The following RGMA variants were observed in gnomAD, a reference collection of about 807,000 sequenced individuals.
The protein encoded by RGMA is repulsive guidance molecule A.
RGMA carries 10 observed loss-of-function variants against 23.2 expected under a neutral mutation model. The ratio of observed to expected loss-of-function variants is 0.43; its 90% CI spans 0.27 to 0.73. The LOEUF is 0.73. Among genes scored for constraint, RGMA ranks in the 30% least tolerant of loss-of-function variants. RGMA has a pLI of 0.20. For missense variants in RGMA, 547 were observed against 630.5 expected (o/e 0.87, Z 1.42); for synonymous variants, 308 against 279.3 (o/e 1.10, Z -1.03).
rs978482264 is a variant in RGMA at position 93,039,370 on chromosome 15, A to G, written c.*5628T>C. 6.6e-6 allele frequency: 1 copy of G among 151,804 alleles called. No homozygotes were observed. The highest frequency in any genetic ancestry group is 1.5e-5 in the Non-Finnish European group (1 of 67,972). The allele number at this position is 151,804 out of a possible 1,614,324, so 9.4% of individuals were successfully genotyped here. Reference sequence around the variant, plus strand: ...CCTGTCAGCCCCACCTTCTTATTAGACCCCAAAGGCCATCATTTCTTTTCT... The same window carrying G: ...CCTGTCAGCCCCACCTTCTTATTAGGCCCCAAAGGCCATCATTTCTTTTCT... On this transcript the variant is annotated 3_prime_UTR_variant, in exon 4 of 4. Coordinates refer to ENST00000329082, the MANE Select transcript of RGMA (RefSeq NM_020211.3).
intron 2 of RGMA, among the ~76,000 whole-genome samples, chr15:93,053,581 T>C (rs1370028102): frequency 1.3e-5 from 2 of 152,204 alleles, no homozygotes; most frequent in Non-Finnish European, 2.9e-5. Flanking sequence ...ACCTATAAAA[T>C]TGAGTTGCAC....
At chr15:93,087,961 T>C (rs759759829) in intron 1 of RGMA, among the ~76,000 whole-genome samples, 14 of 152,108 alleles carry the variant, frequency 9.2e-5, no homozygotes, top group Non-Finnish European at 1.9e-4. Context: ...TGCGGGAGAC[T>C]ACTTTGAGAA....
intron 2 of RGMA, chr15:93,065,999 G>T: frequency 1.5e-6 from 2 of 1,295,628 alleles, no homozygotes; most frequent in Non-Finnish European, 2.2e-6. Flanking sequence ...TCTTTGGCCC[G>T]TTCCCCTTCT....
At chr15:93,081,783 G>GTTTTTC (rs1895562736) in intron 1 of RGMA, among the ~76,000 whole-genome samples, 1 of 152,244 alleles carries the variant, frequency 6.6e-6, no homozygotes, top group Non-Finnish European at 1.5e-5. Flanking sequence ...AAACTGTTTA[G>GTTTTTC]AATGGCTAAG....
rs1380120667 is a variant in RGMA at position 93,081,862 on chromosome 15, C to G, written c.14+7057G>C. On this transcript the variant is annotated intron_variant, in intron 1 of 3. Transcript: ENST00000329082. ...AAAAGTGCCAATCCAGAAAGAAGAA[C>G]AAATGTGTCACCTTATGTGACATTC... Among the ~76,000 whole-genome samples the G allele has an allele frequency of 2.0e-5, 3 of 152,214 alleles. 1 individual carries two copies. The highest frequency in any genetic ancestry group is 2.0e-4 in the Admixed American group (3 of 15,286).
intron 2 of RGMA, chr15:93,066,261 T>G: frequency 8.6e-7 from 1 of 1,158,680 alleles, no homozygotes; most frequent in Non-Finnish European, 1.3e-6. Flanking sequence ...AATAGCTGTC[T>G]GGTGAACAAA....
At chr15:93,051,332 C>T (rs898002436) in intron 3 of RGMA, among the ~76,000 whole-genome samples, 2 of 152,224 alleles carry the variant, frequency 1.3e-5, no homozygotes, top group Non-Finnish European at 2.9e-5. Context: ...TGCCATTTCG[C>T]CAAGCTGGAA....
intron 1 of RGMA, among the ~76,000 whole-genome samples, chr15:93,079,865 G>A (rs1027159409): frequency 2.0e-5 from 3 of 152,098 alleles, no homozygotes; most frequent in Admixed American, 6.5e-5. Flanking sequence ...CCTTGTGGGC[G>A]GGAGGTACAG....
At position 93,043,308 on chromosome 15, in the gene RGMA, A is replaced by ACACACATGCGCGCACACACACATGCGCG. The variant is rs146691055; in HGVS notation, c.*1689_*1690insCGCGCATGTGTGTGTGCGCGCATGTGTG. On this transcript the variant is annotated 3_prime_UTR_variant, in exon 4 of 4. Transcript: ENST00000329082. ...TGCGCGCACACACACATGCGCGCAC[A>ACACACATGCGCGCACACACACATGCGCG]CACACACACTTGCTGCAGGGGATCC... is the stretch of plus-strand genomic sequence containing the variant. 2 of 129,882 alleles carry ACACACATGCGCGCACACACACATGCGCG rather than the reference A, an allele frequency of 1.5e-5. No individual in the cohort carries two copies. Among genetic ancestry groups the ACACACATGCGCGCACACACACATGCGCG allele is most frequent in the African/African-American group, 6.5e-5 (2 of 30,592 alleles). 8.0% of individuals were successfully genotyped at this position (129,882 alleles called of 1,614,324 possible). A position where few individuals can be genotyped will look rare whatever the true frequency, so the allele number is the denominator to read the frequency against.
chr15:93,044,696 G>A lies in RGMA; in HGVS notation c.*302C>T. 4.5e-6 allele frequency: 2 copies of A among 442,176 alleles called. No individual in the cohort carries two copies. Among genetic ancestry groups the A allele is most frequent in the Non-Finnish European group, 8.2e-6 (2 of 244,844 alleles). The allele number at this position is 442,176 out of a possible 1,614,324, so 27.4% of individuals were successfully genotyped here. On this transcript the variant is annotated 3_prime_UTR_variant, in exon 4 of 4. Transcript: ENST00000329082. ...ACGGTTCCCAGTGTGTCTCTGGTGG[G>A]GGTGGGGGGCTTCAGCCTGAGGGGA...
At chr15:93,068,760 T>C (rs555232557) in intron 2 of RGMA, among the ~76,000 whole-genome samples, 1 of 152,158 alleles carries the variant, frequency 6.6e-6, no homozygotes, top group Non-Finnish European at 1.5e-5. Flanking sequence ...AGTGATGGTA[T>C]GAGAAGTAGG....
chr15:93,067,310 C>T (rs909722492), intron 2 of RGMA, among the ~76,000 whole-genome samples: 1 of 152,104 alleles, frequency 6.6e-6, no homozygotes, highest in African/African-American at 2.4e-5. Context: ...GGTCTTTGCC[C>T]ATTGAGCAAA....
rs1446052075 is a variant in RGMA, at chr15:93,038,365, T to G, written c.*6633A>C. On this transcript the variant is annotated 3_prime_UTR_variant, in exon 4 of 4. Transcript: ENST00000329082. Reference sequence around the variant, plus strand: ...TGATTTCTGGACCATACCTGAGATTTGCACACAGGAAAGTGCAGTCCCTGC... The same window carrying G: ...TGATTTCTGGACCATACCTGAGATTGGCACACAGGAAAGTGCAGTCCCTGC... 1 of 152,202 alleles carries G rather than the reference T, an allele frequency of 6.6e-6. No individual in the cohort carries two copies. Among genetic ancestry groups the G allele is most frequent in the Admixed American group, 6.5e-5 (1 of 15,276 alleles). 9.4% of individuals were successfully genotyped at this position (152,202 alleles called of 1,614,324 possible).
chr15:93,059,909 A>G (rs1596091129), intron 2 of RGMA, among the ~76,000 whole-genome samples: 1 of 152,216 alleles, frequency 6.6e-6, no homozygotes, highest in East Asian at 1.9e-4. Flanking sequence ...CCATGGAAAG[A>G]AGGAAGGAAA....
At chr15:93,066,718 G>A in intron 2 of RGMA, 2 of 353,116 alleles carry the variant, frequency 5.7e-6, no homozygotes, top group Non-Finnish European at 1.1e-5. Flanking sequence ...GAGACAGGTT[G>A]GCCAGGCTGG....
At chr15:93,046,964 A>G (rs7176891) in intron 3 of RGMA, among the ~76,000 whole-genome samples, 120,750 of 152,032 alleles carry the variant, frequency 0.79, 48,473 homozygotes, top group East Asian at 0.95. Flanking sequence ...TAAGCACTGC[A>G]TGTATTACTT....
chr15:93,055,308 G>A (rs2054995797), intron 2 of RGMA, among the ~76,000 whole-genome samples: 1 of 152,152 alleles, frequency 6.6e-6, no homozygotes, highest in Non-Finnish European at 1.5e-5. Flanking sequence ...AGCTGTGCTG[G>A]GCTCTGACTC....
Position 93,041,285 on chromosome 15 carries a change from G to A in RGMA, c.*3713C>T, listed in dbSNP as rs892164674. Reference sequence around the variant, plus strand: ...ACATCAGTGAGACAGGATGGGGCGGGGAGAGGCGCCCACCTCCGTGTGCTA... The same window carrying A: ...ACATCAGTGAGACAGGATGGGGCGGAGAGAGGCGCCCACCTCCGTGTGCTA... On this transcript the variant is annotated 3_prime_UTR_variant, in exon 4 of 4. Coordinates refer to ENST00000329082, the MANE Select transcript of RGMA (RefSeq NM_020211.3). 4 of 152,270 alleles carry A rather than the reference G, an allele frequency of 2.6e-5. No individual in the cohort carries two copies. The highest frequency in any genetic ancestry group is 9.6e-5 in the African/African-American group (4 of 41,472). The allele number at this position is 152,270 out of a possible 1,614,324, so 9.4% of individuals were successfully genotyped here. A position where few individuals can be genotyped will look rare whatever the true frequency, so the allele number is the denominator to read the frequency against.
At chr15:93,073,240 GC>G in intron 1 of RGMA, 1 of 1,077,198 alleles carries the variant, frequency 9.3e-7, no homozygotes, top group Non-Finnish European at 1.2e-6. Flanking sequence ...GCGGCCCCGC[GC>G]CCCAGCCGCC....
Sources: allele counts gnomAD v4.1 joint callset (sites outside exome capture counted in the v4.1 genomes callset), GRCh38; gene constraint gnomAD v4.1.1; transcripts MANE v1.5; gene names NCBI Gene and HGNC (gene_info 2026-07-23, HGNC 2026-07-21).